NRP1: variants seen among roughly 807,000 people sequenced by gnomAD.
NRP1 encodes neuropilin 1, also known as neuropilin-1.
Under a neutral mutation model 106.7 loss-of-function variants are expected in NRP1, and 35 were observed. The observed-to-expected ratio is 0.33, with a 90% confidence interval of 0.25 to 0.43. NRP1 has a LOEUF of 0.43. NRP1 is among the 20% of genes least tolerant of loss of function. NRP1 has a pLI of 1.00. For synonymous variants in NRP1, 437 were observed against 417.9 expected (o/e 1.05, Z -0.56); for missense variants, 1,024 against 1,170.4 (o/e 0.87, Z 1.83).
At chr10:33,282,751 T>C (rs1167635650) in intron 2 of NRP1, among the ~76,000 whole-genome samples, 1 of 144,956 alleles carries the variant, frequency 6.9e-6, no homozygotes, top group Non-Finnish European at 1.5e-5. Context: ...TGAACTTTTC[T>C]TTTTTTTTTT....
intron 13 of NRP1, among the ~76,000 whole-genome samples, chr10:33,188,940 T>TA (rs1554774622): frequency 7.2e-6 from 1 of 139,714 alleles, no homozygotes; most frequent in East Asian, 2.2e-4. Context: ...TATATATAAA[T>TA]TAAAACTGCT....
intron 2 of NRP1, among the ~76,000 whole-genome samples, chr10:33,282,201 T>C (rs1844189579): frequency 6.6e-6 from 1 of 152,128 alleles, no homozygotes; most frequent in African/African-American, 2.4e-5. Flanking sequence ...TGAAGTGCAG[T>C]TGGATTAGTG....
intron 9 of NRP1, among the ~76,000 whole-genome samples, chr10:33,208,554 C>G (rs995874876): frequency 2.6e-5 from 4 of 152,156 alleles, no homozygotes; most frequent in African/African-American, 7.2e-5. Flanking sequence ...GATGAGCCTC[C>G]TTATATCCTC....
intron 2 of NRP1, among the ~76,000 whole-genome samples, chr10:33,273,881 C>A (rs1843493495): frequency 6.6e-6 from 1 of 152,094 alleles, no homozygotes; most frequent in Non-Finnish European, 1.5e-5. Flanking sequence ...GGGTCTTTTT[C>A]TCTCTGCTCA....
intron 2 of NRP1, among the ~76,000 whole-genome samples, chr10:33,286,051 A>G (rs1358302553): frequency 6.6e-6 from 1 of 152,092 alleles, no homozygotes; most frequent in Non-Finnish European, 1.5e-5. Context: ...ACTGCATTTA[A>G]TTCCTCTTCT....
At position 33,199,405 on chromosome 10, in the gene NRP1, T is replaced by A. The variant is rs1419059516; in HGVS notation, c.1865-1696A>T. 1.4e-3 allele frequency among the ~76,000 whole-genome samples: 135 copies of A among 96,948 alleles called. 1 individual carries two copies. The highest frequency in any genetic ancestry group is 3.1e-3 in the African/African-American group (77 of 25,178). 63.6% of individuals were successfully genotyped at this position (96,948 alleles called of 152,430 possible). On this transcript the variant is annotated intron_variant, in intron 11 of 16. Transcript: ENST00000374867. ...TATATATATATTTTTTTTTTTTTTT[T>A]TTTTTTTTTTTTTTTTGGCGGAGAC...
chr10:33,253,409 A>G (rs986051556), intron 6 of NRP1, among the ~76,000 whole-genome samples: 7 of 152,194 alleles, frequency 4.6e-5, no homozygotes, highest in African/African-American at 1.4e-4. Flanking sequence ...AAGCAGAGGT[A>G]GCATCACTAA....
chr10:33,190,196 G>A (rs1269610793), intron 13 of NRP1, among the ~76,000 whole-genome samples: 1 of 152,130 alleles, frequency 6.6e-6, no homozygotes, highest in East Asian at 1.9e-4. Context: ...CTTTACTTCT[G>A]CAAGCCTTTT....
chr10:33,297,036 T>C (rs149244870), intron 2 of NRP1, among the ~76,000 whole-genome samples: 304 of 152,124 alleles, frequency 2.0e-3, no homozygotes, highest in African/African-American at 6.0e-3. Context: ...AAGAAAAACC[T>C]TTCATTGAGC....
At chr10:33,248,567 G>C (rs1841599075) in intron 6 of NRP1, among the ~76,000 whole-genome samples, 1 of 138,392 alleles carries the variant, frequency 7.2e-6, no homozygotes, top group Non-Finnish European at 1.6e-5. Context: ...GAGAAAATGG[G>C]GAAGACGTTA....
chr10:33,231,045 C>T (rs577914891), intron 6 of NRP1, among the ~76,000 whole-genome samples: 3 of 152,292 alleles, frequency 2.0e-5, no homozygotes, highest in Non-Finnish European at 4.4e-5. Flanking sequence ...TTATAATATT[C>T]GTTGCTTGTA....
chr10:33,310,290 G>T (rs924346558), intron 2 of NRP1, among the ~76,000 whole-genome samples: 1 of 120,712 alleles, frequency 8.3e-6, no homozygotes, highest in Non-Finnish European at 1.6e-5. Context: ...TTGCTCTGTC[G>T]CCCAGGCTAG....
chr10:33,322,134 A>T (rs1462666196), intron 2 of NRP1, among the ~76,000 whole-genome samples: 2 of 152,150 alleles, frequency 1.3e-5, no homozygotes, highest in African/African-American at 4.8e-5. Context: ...AGCGCTTGGA[A>T]GGGAATGTGG....
At chr10:33,292,312 CT>C (rs1845055228) in intron 2 of NRP1, among the ~76,000 whole-genome samples, 1 of 152,188 alleles carries the variant, frequency 6.6e-6, no homozygotes, top group African/African-American at 2.4e-5. Context: ...CAAATCCTCT[CT>C]GCTAATTTAC....
intron 9 of NRP1, among the ~76,000 whole-genome samples, chr10:33,209,833 G>A (rs1361093677): frequency 6.6e-6 from 1 of 152,218 alleles, no homozygotes; most frequent in Non-Finnish European, 1.5e-5. Flanking sequence ...CTATGCCCAA[G>A]GCCACACATT....
chr10:33,211,489 A>C (rs1838298774), intron 9 of NRP1: 1 of 152,254 alleles, frequency 6.6e-6, no homozygotes, highest in Non-Finnish European at 1.5e-5. Context: ...ACAAGAAAAA[A>C]GGTAGCTGCA....
Position 33,334,387 on chromosome 10 carries a change from C to G in NRP1, c.-5G>C. 1 of 1,544,866 alleles carries G rather than the reference C, an allele frequency of 6.5e-7. No homozygotes were observed. The highest frequency in any genetic ancestry group is 1.2e-5 in the South Asian group (1 of 84,100). On this transcript the variant is annotated 5_prime_UTR_variant, in exon 1 of 17. Coordinates refer to ENST00000374867, the MANE Select transcript of NRP1 (RefSeq NM_003873.7). ...GAGCGGCAGCCCCCTCTCCATTCTCCCTTCTCCGGGTCCGCAGGCAGACGC... is the reference window on the plus strand; with the variant it reads ...GAGCGGCAGCCCCCTCTCCATTCTCGCTTCTCCGGGTCCGCAGGCAGACGC...
chr10:33,254,116 C>T lies in NRP1; in HGVS notation c.893G>A (p.Ser298Asn). The change falls in exon 6 of 17, where the codon AGC becomes AAC. Residue 298 changes from serine to asparagine, a missense_variant. Physicochemically the swap from Ser to Asn is conservative, Grantham distance 46. Coordinates refer to ENST00000374867, the MANE Select transcript of NRP1 (RefSeq NM_003873.7). ...SDQITASSQY[S>N]TNWSAERSRL... is the part of the protein sequence containing the mutation. ...GGAGCGCTCTGCAGACCAGTTGGTG[C>T]TATACTGGGAAGAAGCTGTGATCTG... 1.2e-6 allele frequency: 2 copies of T among 1,613,968 alleles called. No individual in the cohort carries two copies. The highest frequency in any genetic ancestry group is 1.7e-6 in the Non-Finnish European group (2 of 1,179,914).
chr10:33,271,000 G>A (rs1843275822), intron 2 of NRP1, 144 bp from the exon 3 acceptor site: 5 of 585,192 alleles, frequency 8.5e-6, no homozygotes, highest in Non-Finnish European at 1.1e-5. Context: ...TTAAATGGAG[G>A]GAAAAAAAAG....
Sources: allele counts gnomAD v4.1 joint callset (sites outside exome capture counted in the v4.1 genomes callset), GRCh38; gene constraint gnomAD v4.1.1; transcripts MANE v1.5; gene names NCBI Gene and HGNC (gene_info 2026-07-23, HGNC 2026-07-21).